Variants in PVT1 observed in about 807,000 individuals in gnomAD.
PVT1 encodes the protein CXCR4/PVT1 fusion.
chr8:127,841,431 G>A (rs1369534187), intron 2 of PVT1, among the ~76,000 whole-genome samples: 2 of 151,496 alleles, frequency 1.3e-5, no homozygotes, highest in African/African-American at 4.9e-5. Flanking sequence ...GCACCACCAC[G>A]CTTGGCTAAT....
At chr8:127,815,155 C>T (rs532403380) in intron 2 of PVT1, among the ~76,000 whole-genome samples, 3 of 152,112 alleles carry the variant, frequency 2.0e-5, no homozygotes, top group South Asian at 2.1e-4. Flanking sequence ...TTAGTAGAGA[C>T]GGGGCTTCGC....
intron 4 of PVT1, among the ~76,000 whole-genome samples, chr8:128,029,785 G>A (rs1813367911): frequency 6.6e-6 from 1 of 151,860 alleles, no homozygotes; most frequent in African/African-American, 2.4e-5. Context: ...GGCAACAGAG[G>A]GAGACTCTGT....
intron 3 of PVT1, among the ~76,000 whole-genome samples, chr8:127,962,665 C>T (rs956505599): frequency 1.1e-4 from 16 of 151,982 alleles, no homozygotes; most frequent in Non-Finnish European, 1.8e-4. Flanking sequence ...GGTGCTATCT[C>T]GGCTCACTGC....
chr8:127,954,879 C>T (rs1816550929), intron 3 of PVT1, among the ~76,000 whole-genome samples: 1 of 152,184 alleles, frequency 6.6e-6, no homozygotes, highest in African/African-American at 2.4e-5. Flanking sequence ...TCCTTTGCAC[C>T]ACCCTACAAG....
chr8:128,068,149 GA>G (rs1382792265), intron 4 of PVT1, among the ~76,000 whole-genome samples: 3 of 151,662 alleles, frequency 2.0e-5, no homozygotes, highest in Non-Finnish European at 2.9e-5. Context: ...GTGGACGTGA[GA>G]TTTTTTTTTT....
intron 4 of PVT1, among the ~76,000 whole-genome samples, chr8:128,041,883 G>A (rs945727466): frequency 6.6e-6 from 1 of 152,168 alleles, no homozygotes; most frequent in African/African-American, 2.4e-5. Flanking sequence ...GGCCACCTAT[G>A]TATTTGACTG....
chr8:127,954,722 TAGA>T (rs1301286334), intron 3 of PVT1, among the ~76,000 whole-genome samples: 2 of 152,090 alleles, frequency 1.3e-5, no homozygotes, highest in Admixed American at 1.3e-4. Context: ...TCATACAGTG[TAGA>T]AGAAGGATTC....
At chr8:127,968,371 T>A (rs1326511890) in intron 3 of PVT1, among the ~76,000 whole-genome samples, 1 of 150,806 alleles carries the variant, frequency 6.6e-6, no homozygotes, top group African/African-American at 2.5e-5. Context: ...GGCTCAGCTG[T>A]AGGGTGGGGT....
At chr8:127,974,089 T>C (rs13257657) in intron 3 of PVT1, among the ~76,000 whole-genome samples, 23,500 of 151,900 alleles carry the variant, frequency 0.15, 2,330 homozygotes, top group African/African-American at 0.27. Context: ...ACAGATTGGG[T>C]TTTTCTGTTC....
chr8:128,013,174 A>AC (rs113764241), intron 4 of PVT1, among the ~76,000 whole-genome samples: 2,512 of 151,832 alleles, frequency 0.017, 68 homozygotes, highest in African/African-American at 0.057. Context: ...CAGAAAGGCC[A>AC]CCCCCCCTTC....
chr8:127,845,143 C>T (rs1815018101), intron 2 of PVT1, among the ~76,000 whole-genome samples: 1 of 151,954 alleles, frequency 6.6e-6, no homozygotes. Context: ...AGAATTTAGC[C>T]CTTTGCAGGG....
At chr8:128,073,155 G>T (rs1814019877) in intron 5 of PVT1, among the ~76,000 whole-genome samples, 1 of 152,050 alleles carries the variant, frequency 6.6e-6, no homozygotes, top group Non-Finnish European at 1.5e-5. Context: ...TTTAGATGTA[G>T]ACCTGGTGAT....
chr8:128,068,853 A>G (rs1209056676), intron 4 of PVT1, among the ~76,000 whole-genome samples: 1 of 152,242 alleles, frequency 6.6e-6, no homozygotes, highest in Non-Finnish European at 1.5e-5. Context: ...TGCCGGTGGC[A>G]GCATAATTTG....
intron 4 of PVT1, among the ~76,000 whole-genome samples, chr8:128,018,937 G>A (rs535122329): frequency 6.6e-6 from 1 of 152,222 alleles, no homozygotes; most frequent in Admixed American, 6.5e-5. Flanking sequence ...CAGATGAGCC[G>A]CGAGGTTTGT....
intron 5 of PVT1, among the ~76,000 whole-genome samples, chr8:128,079,165 G>A (rs1814139640): frequency 6.6e-6 from 1 of 152,036 alleles, no homozygotes; most frequent in African/African-American, 2.4e-5. Context: ...ATGAACTACA[G>A]GTTGCTGACT....
At chr8:128,080,682 T>C (rs1814164441) in intron 5 of PVT1, among the ~76,000 whole-genome samples, 1 of 152,250 alleles carries the variant, frequency 6.6e-6, no homozygotes, top group Non-Finnish European at 1.5e-5. Flanking sequence ...CTCTTTGTAG[T>C]GTCTTTGCAG....
chr8:127,896,776 C>A (rs932005732), intron 3 of PVT1, among the ~76,000 whole-genome samples: 146 of 127,346 alleles, frequency 1.1e-3, no homozygotes, highest in Non-Finnish European at 1.6e-3. Flanking sequence ...GCCTTTCCTC[C>A]CCCCCCCCGC....
At chr8:127,897,824 GAAAA>G (rs1179885915) in intron 3 of PVT1, among the ~76,000 whole-genome samples, 10 of 88,044 alleles carry the variant, frequency 1.1e-4, no homozygotes, top group African/African-American at 1.3e-4. Flanking sequence ...GAAAAGAAAA[GAAAA>G]GAAAGAAAGA....
intron 4 of PVT1, among the ~76,000 whole-genome samples, chr8:128,027,723 T>C (rs1418837800): frequency 6.6e-6 from 1 of 152,198 alleles, no homozygotes; most frequent in Non-Finnish European, 1.5e-5. Flanking sequence ...GGCCCCCAGC[T>C]AGGTTCTCAG....
Sources: gnomAD v4.1 joint callset for allele counts (sites outside exome capture counted in the v4.1 genomes callset) on GRCh38, gnomAD v4.1.1 for gene constraint, MANE v1.5 for transcripts, NCBI Gene and HGNC (gene_info 2026-07-23, HGNC 2026-07-21) for gene names.